The following GCN1 variants were observed in gnomAD, a reference collection of about 807,000 sequenced individuals.
The protein encoded by GCN1 is stalled ribosome sensor GCN1.
A neutral mutation model predicts 288.4 loss-of-function variants in GCN1; 90 were observed. That is an observed-to-expected ratio of 0.31 (90% CI 0.26 to 0.37). The LOEUF (loss-of-function observed/expected upper bound fraction) is 0.37, where lower values mean the gene tolerates loss of function less well. Ranked by LOEUF, GCN1 falls within the 10% of genes least tolerant of loss-of-function variation. The probability of loss-of-function intolerance (pLI) is 1.00; values close to 1 mark genes in which losing one functional copy is unlikely to be tolerated. For synonymous variants in GCN1, 1,386 were observed against 1,420.2 expected, an observed-to-expected ratio of 0.98 and a Z score of 0.54; for missense variants, 2,586 against 3,419.9, an observed-to-expected ratio of 0.76 and a Z score of 6.08.
chr12:120,180,268 G>C (rs1878610340), intron 5 of GCN1, among the ~76,000 whole-genome samples: 1 of 152,032 alleles, frequency 6.6e-6, no homozygotes, highest in South Asian at 2.1e-4. Flanking sequence ...AGGTTGCGGT[G>C]AGCCGAGATC....
rs776596510 is a variant in GCN1, at chr12:120,161,960, T to C, written c.2262A>G (p.Ala754=). Residue 754 remains alanine, a synonymous_variant, in exon 21 of 58, where the codon GCA becomes GCG. Transcript: ENST00000300648. Reference sequence around the variant, plus strand: ...ACTCCTCCCGCGTCACCAGGCGCAGTGCAGGGTTCTGCACGGAGGCAGTGA... The same window carrying C: ...ACTCCTCCCGCGTCACCAGGCGCAGCGCAGGGTTCTGCACGGAGGCAGTGA... ...STITASVQNP[A]LRLVTREEFA... 4.8e-5 allele frequency: 78 copies of C among 1,613,946 alleles called. No individual in the cohort carries two copies. Among genetic ancestry groups the C allele is most frequent in the Non-Finnish European group, 6.4e-5 (76 of 1,180,026 alleles).
At chr12:120,168,404 C>T (rs905911459) in intron 15 of GCN1, 104 bp from the exon 16 acceptor site, 2 of 753,672 alleles carry the variant, frequency 2.7e-6, no homozygotes, top group African/African-American at 1.7e-5. Flanking sequence ...GACAAACCCT[C>T]CTCTGCAGCA....
intron 9 of GCN1, 23 bp downstream of exon 9, chr12:120,177,424 C>T: frequency 8.2e-7 from 1 of 1,214,316 alleles, no homozygotes; most frequent in Non-Finnish European, 1.2e-6. Flanking sequence ...TCCCTCCCAC[C>T]ATCCTGGTTG....
chr12:120,173,424 T>C (rs1018072165), intron 14 of GCN1, among the ~76,000 whole-genome samples: 5 of 152,232 alleles, frequency 3.3e-5, no homozygotes, highest in Non-Finnish European at 7.3e-5. Context: ...TGGTCCTCTC[T>C]GAATAAAGCT....
In GCN1 at chr12:120,144,539, C is replaced by T; in HGVS notation, c.5353-91G>A. 2 of 1,556,388 alleles carry T rather than the reference C, an allele frequency of 1.3e-6. No individual in the cohort carries two copies. Among genetic ancestry groups the T allele is most frequent in the Non-Finnish European group, 1.8e-6 (2 of 1,141,580 alleles). ...GGCTCACTGAAGGCTGAGGGCTCTG[C>T]CAACCAACCCCAGCCAGCAGGGATC... On this transcript the variant is annotated intron_variant, in intron 41 of 57. Transcript: ENST00000300648. The surrounding 1 kb of genome is among the most constrained non-coding windows in gnomAD (Gnocchi z 4.7).
rs978764874 is a variant in GCN1, at chr12:120,175,146, A to G, written c.1093+16T>C. On this transcript the variant is annotated intron_variant, in intron 12 of 57. Transcript: ENST00000300648. ...TCTCTCAAAAAAAAAAAAAAAAAAA[A>G]AAAGAAATCCTATACCTGAGAGGAC... 46 of 1,573,072 alleles carry G rather than the reference A, an allele frequency of 2.9e-5. 1 individual carries two copies. The South Asian group carries it at 3.1e-4, about 11-fold the overall frequency.
chr12:120,159,011 C>CAAAA (rs56356587), intron 24 of GCN1, among the ~76,000 whole-genome samples: 1 of 114,032 alleles, frequency 8.8e-6, no homozygotes, highest in Non-Finnish European at 1.9e-5. Context: ...GACTCCGTCT[C>CAAAA]AAAAAAAAAA....
In GCN1 at chr12:120,138,012, C is replaced by T. The variant is rs1877068028; in HGVS notation, c.6282G>A (p.Leu2094=). The T allele has an allele frequency of 3.7e-6, 6 of 1,613,912 alleles. No individual in the cohort carries two copies. Among genetic ancestry groups the T allele is most frequent in the Non-Finnish European group, 5.1e-6 (6 of 1,179,938 alleles). ...LTTPPVNTRV[L]AFLSSVAGDA... ...CACCAGCCACTGACGAAAGGAAAGC[C>T]AGCACCCGGGTGTTGACAGGTGGCG... Residue 2094 remains leucine, a synonymous_variant, in exon 48 of 58, where the codon CTG becomes CTA. Coordinates refer to ENST00000300648, the MANE Select transcript of GCN1 (RefSeq NM_006836.2).
At chr12:120,184,433 A>T (rs1878758162) in intron 3 of GCN1, among the ~76,000 whole-genome samples, 190 bp from the exon 4 acceptor site, 1 of 152,228 alleles carries the variant, frequency 6.6e-6, no homozygotes, top group Non-Finnish European at 1.5e-5. Flanking sequence ...AGTATCTCAT[A>T]AGGGCAAATA....
intron 37 of GCN1, 46 bp from the exon 38 acceptor site, chr12:120,147,318 G>C (rs774718372): frequency 6.2e-6 from 7 of 1,128,150 alleles, no homozygotes; most frequent in Non-Finnish European, 8.8e-6. Context: ...CATCTATGCA[G>C]CTGCAAGGCC....
chr12:120,181,263 C>T (rs958868057), intron 5 of GCN1, among the ~76,000 whole-genome samples: 2 of 151,592 alleles, frequency 1.3e-5, no homozygotes, highest in East Asian at 1.9e-4. Context: ...CCCAGGAGTT[C>T]GAGACCAACC....
intron 26 of GCN1, 82 bp downstream of exon 26, chr12:120,157,767 G>GTTCA: frequency 9.0e-7 from 1 of 1,113,640 alleles, no homozygotes. Flanking sequence ...ACCAGGAACT[G>GTTCA]TTCATGAGAC....
chr12:120,137,369 G>A lies in GCN1; in HGVS notation c.6664-50C>T. On this transcript the variant is annotated intron_variant, in intron 49 of 57. Transcript: ENST00000300648. The surrounding 1 kb of genome is among the most constrained non-coding windows in gnomAD (Gnocchi z 5.2). ...GAGGATGTACAGCCCTCTCAAGACT[G>A]CTTCCAAAGAATATATGGGGAAAGC... 6.6e-7 allele frequency: 1 copy of A among 1,509,986 alleles called. No individual in the cohort carries two copies. The highest frequency in any genetic ancestry group is 1.7e-4 in the Middle Eastern group (1 of 5,872). 93.5% of individuals were successfully genotyped at this position (1,509,986 alleles called of 1,614,324 possible).
chr12:120,164,800 G>A, intron 16 of GCN1, 79 bp from the exon 17 acceptor site: 1 of 840,282 alleles, frequency 1.2e-6, no homozygotes, highest in East Asian at 2.6e-5. Context: ...AGAAATAACT[G>A]GAATGAACTG....
At position 120,163,215 on chromosome 12, in the gene GCN1, A is replaced by G. The variant is rs1877988363; in HGVS notation, c.1893T>C (p.Thr631=). 2 of 1,614,104 alleles carry G rather than the reference A, an allele frequency of 1.2e-6. No homozygotes were observed. Among genetic ancestry groups the G allele is most frequent in the South Asian group, 1.1e-5 (1 of 91,088 alleles). ...GAGGCACGTAGGCCTTGCCTGCCTC[A>G]GTCACCTCTCCAGCATCAGTCACCA... ...EALVTDAGEV[T]EAGKAYVPPR... Residue 631 remains threonine (T), a synonymous_variant, in exon 19 of 58, where the codon ACT becomes ACC. Coordinates refer to ENST00000300648, the MANE Select transcript of GCN1 (RefSeq NM_006836.2).
At chr12:120,146,508 A>C (rs1034535958) in intron 38 of GCN1, among the ~76,000 whole-genome samples, 8 of 152,152 alleles carry the variant, frequency 5.3e-5, no homozygotes, top group African/African-American at 1.9e-4. Flanking sequence ...TGGGATTACA[A>C]GCATTAGCCA....
chr12:120,154,467 G>A (rs1877674228), intron 31 of GCN1, among the ~76,000 whole-genome samples: 1 of 152,234 alleles, frequency 6.6e-6, no homozygotes, highest in African/African-American at 2.4e-5. Flanking sequence ...TTTTGAGCCT[G>A]CTCTGTGGGA....
chr12:120,134,423 C>A lies in GCN1; in HGVS notation c.7203-18G>T. On this transcript the variant is annotated intron_variant, in intron 52 of 57. Transcript: ENST00000300648. The surrounding 1 kb of genome is among the most constrained non-coding windows in gnomAD (Gnocchi z 5.0). Reference sequence around the variant, plus strand: ...TGGTGTCCCTGCAGAAGCAATGCACCGCCTTAAGCCCTGGGTGCCTCCACC... The same window carrying A: ...TGGTGTCCCTGCAGAAGCAATGCACAGCCTTAAGCCCTGGGTGCCTCCACC... 1.2e-6 allele frequency: 2 copies of A among 1,603,716 alleles called. No homozygotes were observed. Among genetic ancestry groups the A allele is most frequent in the East Asian group, 2.2e-5 (1 of 44,784 alleles).
intron 47 of GCN1, 104 bp downstream of exon 47, chr12:120,138,219 C>T: frequency 1.1e-6 from 1 of 941,772 alleles, no homozygotes; most frequent in South Asian, 1.3e-5. Context: ...GCACCCTCCT[C>T]CCCCAGCCCT....
Sources: allele counts gnomAD v4.1 joint callset (sites outside exome capture counted in the v4.1 genomes callset), GRCh38; gene constraint gnomAD v4.1.1; non-coding constraint Gnocchi (gnomAD v3.1); transcripts MANE v1.5; gene names NCBI Gene and HGNC (gene_info 2026-07-23, HGNC 2026-07-21).